The following ZNF652 variants were observed in gnomAD, a reference collection of about 807,000 sequenced individuals.
ZNF652 encodes zinc finger protein 652.
Under a neutral mutation model 45.2 loss-of-function variants are expected in ZNF652, and 16 were observed. That is an observed-to-expected ratio of 0.35 (90% CI 0.24 to 0.54). ZNF652 has a LOEUF of 0.54. Ranked by LOEUF, ZNF652 falls within the 20% of genes least tolerant of loss-of-function variation. The pLI, the probability that ZNF652 is intolerant of heterozygous loss-of-function variation, is 0.91. For missense variants in ZNF652, 614 were observed against 765.6 expected, an observed-to-expected ratio of 0.80 and a Z score of 2.34; for synonymous variants, 250 against 260.6, an observed-to-expected ratio of 0.96 and a Z score of 0.39.
At chr17:49,359,950 G>A (rs774182943) in intron 1 of ZNF652, among the ~76,000 whole-genome samples, 10 of 152,146 alleles carry the variant, frequency 6.6e-5, no homozygotes, top group African/African-American at 1.2e-4. Context: ...TTCAGCCAAC[G>A]CATAAAGATT....
At chr17:49,339,486 A>G (rs537802902) in intron 1 of ZNF652, among the ~76,000 whole-genome samples, 1 of 152,208 alleles carries the variant, frequency 6.6e-6, no homozygotes, top group African/African-American at 2.4e-5. Flanking sequence ...AGCTTTTCAC[A>G]TAACAGTCAA....
intron 5 of ZNF652, among the ~76,000 whole-genome samples, chr17:49,310,232 C>T (rs979191945): frequency 3.9e-5 from 6 of 152,210 alleles, no homozygotes; most frequent in African/African-American, 1.4e-4. Flanking sequence ...GGATTACAGG[C>T]GTGAGCCACC....
At chr17:49,360,270 C>T (rs1267063444) in intron 1 of ZNF652, among the ~76,000 whole-genome samples, 1 of 152,096 alleles carries the variant, frequency 6.6e-6, no homozygotes, top group African/African-American at 2.4e-5. Context: ...AAAAACTAAC[C>T]AACTAAACAA....
rs2069816230 is a variant in ZNF652, at chr17:49,317,058, T to C, written c.668A>G (p.Lys223Arg). The C allele has an allele frequency of 6.2e-7, 1 of 1,614,002 alleles. No homozygotes were observed. The highest frequency in any genetic ancestry group is 1.3e-5 in the African/African-American group (1 of 74,902). The change falls in exon 2 of 6, where the codon AAG becomes AGG. Residue 223 changes from lysine (K) to arginine (R), a missense_variant. By Grantham distance (26) the Lys-to-Arg change is conservative. Around this residue, in one of 5 missense-constraint regions of ZNF652, gnomAD observed 262 missense variants for 306.3 expected, o/e 0.86. Coordinates refer to ENST00000430262, the MANE Select transcript of ZNF652 (RefSeq NM_001145365.3). ...RRKSVEPPKRKKRATKEPKAP... is the reference protein window; with the variant it reads ...RRKSVEPPKRRKRATKEPKAP... ...TTTGGGCTCCTTTGTGGCCCGCTTC[T>C]TACGCTTAGGTGGCTCTACACTCTT...
In ZNF652 at chr17:49,289,970, G is replaced by C. The variant is rs1412960257; in HGVS notation, c.*8443C>G. On this transcript the variant is annotated 3_prime_UTR_variant, in exon 6 of 6. Coordinates refer to ENST00000430262, the MANE Select transcript of ZNF652 (RefSeq NM_001145365.3). ...TAAACAAGTCATGGCAAGCAAACTG[G>C]ATTTTCTTAAGAAATGAGGAAAAGT... 6.6e-6 allele frequency: 1 copy of C among 152,228 alleles called. No individual in the cohort carries two copies. The highest frequency in any genetic ancestry group is 1.9e-4 in the East Asian group (1 of 5,202). 9.4% of individuals were successfully genotyped at this position (152,228 alleles called of 1,614,324 possible). A position where few individuals can be genotyped will look rare whatever the true frequency, so the allele number is the denominator to read the frequency against.
In ZNF652 at chr17:49,317,720, G is replaced by A. The variant is rs140248609; in HGVS notation, c.6C>T (p.Ser2=). 339 of 1,579,460 alleles carry A rather than the reference G, an allele frequency of 2.1e-4. 1 individual carries two copies. The highest frequency in any genetic ancestry group is 1.4e-3 in the Middle Eastern group (8 of 5,920). The change falls in exon 2 of 6, where the codon AGC becomes AGT. Residue 2 remains serine (S), a synonymous_variant. Transcript: ENST00000430262. ...GCTCCTGACAAGAACTGGCTGTGTG[G>A]CTCATTGGTAAGTGGCCCAATTTAT... M[S]HTASSCQELV...
intron 1 of ZNF652, among the ~76,000 whole-genome samples, chr17:49,361,643 C>T (rs1350651116): frequency 1.3e-5 from 2 of 152,098 alleles, no homozygotes; most frequent in Non-Finnish European, 2.9e-5. Context: ...CGCTGCAAAA[C>T]TGCAGCCAAG....
intron 1 of ZNF652, among the ~76,000 whole-genome samples, chr17:49,340,396 A>T (rs1311055873): frequency 6.6e-6 from 1 of 152,004 alleles, no homozygotes; most frequent in Non-Finnish European, 1.5e-5. Flanking sequence ...TCTCTACTAA[A>T]TATACAAAAA....
At chr17:49,345,789 CGA>C (rs2070198761) in intron 1 of ZNF652, among the ~76,000 whole-genome samples, 1 of 147,376 alleles carries the variant, frequency 6.8e-6, no homozygotes, top group African/African-American at 2.5e-5. Flanking sequence ...TGCAGTGAGC[CGA>C]GATAGTGCCA....
upstream of ZNF652, chr17:49,362,358 C>G (rs2070410989): frequency 6.6e-6 from 1 of 151,924 alleles, no homozygotes; most frequent in South Asian, 2.1e-4. Flanking sequence ...CTCAGCATCC[C>G]GGCCGCTGGG....
intron 2 of ZNF652, 33 bp downstream of exon 2, chr17:49,316,793 T>C (rs372331458): frequency 1.3e-5 from 20 of 1,576,140 alleles, no homozygotes; most frequent in Non-Finnish European, 1.4e-5. Flanking sequence ...GGTTCTATCC[T>C]GAAAAGTTTT....
chr17:49,298,965 T>C, intron 5 of ZNF652, 41 bp from the exon 6 acceptor site: 2 of 1,540,584 alleles, frequency 1.3e-6, no homozygotes, highest in South Asian at 1.2e-5. Context: ...ACATATTAGG[T>C]GGTAATTGTG....
At chr17:49,346,525 T>C (rs1165687234) in intron 1 of ZNF652, among the ~76,000 whole-genome samples, 1 of 151,212 alleles carries the variant, frequency 6.6e-6, no homozygotes, top group Non-Finnish European at 1.5e-5. Context: ...TACTCCAGCC[T>C]GGGTGACAAG....
At chr17:49,322,023 A>C (rs868166910) in intron 1 of ZNF652, among the ~76,000 whole-genome samples, 3 of 152,360 alleles carry the variant, frequency 2.0e-5, no homozygotes, top group South Asian at 4.1e-4. Context: ...TGCTTAATGT[A>C]AAACTGAAGT....
rs1402003367 is a variant in ZNF652 at position 49,298,212 on chromosome 17, CT to C, written c.*200del. On this transcript the variant is annotated 3_prime_UTR_variant, in exon 6 of 6. Transcript: ENST00000430262. ...ATTGGGCTTTAGTTCAGTGGTTCCC[CT>C]GGTTTAGATGACAGTCCCTCTGTGA... 1.6e-6 allele frequency: 1 copy of C among 644,836 alleles called. No individual in the cohort carries two copies. Among genetic ancestry groups the C allele is most frequent in the Non-Finnish European group, 2.5e-6 (1 of 396,128 alleles). The allele number at this position is 644,836 out of a possible 1,614,324, so 39.9% of individuals were successfully genotyped here.
At chr17:49,302,125 G>A (rs1172058618) in intron 5 of ZNF652, among the ~76,000 whole-genome samples, 6 of 151,626 alleles carry the variant, frequency 4.0e-5, no homozygotes, top group African/African-American at 1.2e-4. Flanking sequence ...ATGGTGGTGT[G>A]CACCTGCAGT....
chr17:49,338,945 G>A (rs897886398), intron 1 of ZNF652, among the ~76,000 whole-genome samples: 1 of 152,166 alleles, frequency 6.6e-6, no homozygotes, highest in African/African-American at 2.4e-5. Flanking sequence ...TGAATTCAGT[G>A]ACTCAATAAT....
intron 3 of ZNF652, among the ~76,000 whole-genome samples, 186 bp downstream of exon 3, chr17:49,312,512 A>G (rs1489273027): frequency 6.6e-6 from 1 of 152,148 alleles, no homozygotes; most frequent in African/African-American, 2.4e-5. Context: ...TAATGTTGAA[A>G]AGAAAGCTGG....
chr17:49,341,489 C>CCA (rs2070145929), intron 1 of ZNF652, among the ~76,000 whole-genome samples: 2 of 82,202 alleles, frequency 2.4e-5, no homozygotes, highest in African/African-American at 9.3e-5. Flanking sequence ...CTCATCTCTA[C>CCA]AAAAAAAAAA....
Sources: allele counts gnomAD v4.1 joint callset (sites outside exome capture counted in the v4.1 genomes callset), GRCh38; gene constraint gnomAD v4.1.1; regional missense constraint gnomAD v4.1.1; transcripts MANE v1.5; gene names NCBI Gene and HGNC (gene_info 2026-07-23, HGNC 2026-07-21).